Variants in DIP2C observed in about 807,000 individuals in gnomAD.
DIP2C encodes the protein DIP2 acetate--CoA ligase C (putative).
DIP2C carries 33 observed loss-of-function variants against 192.4 expected under a neutral mutation model. The observed-to-expected ratio is 0.17, with a 90% confidence interval of 0.13 to 0.23. The LOEUF (loss-of-function observed/expected upper bound fraction) is 0.23, where lower values mean the gene tolerates loss of function less well. Ranked by LOEUF, DIP2C falls within the 10% of genes least tolerant of loss-of-function variation. The pLI, the probability that DIP2C is intolerant of heterozygous loss-of-function variation, is 1.00. For synonymous variants in DIP2C, 979 were observed against 864.1 expected (o/e 1.13, Z -2.33); for missense variants, 1,537 against 2,110.1 (o/e 0.73, Z 5.32).
At chr10:437,183 C>T (rs993356632) in intron 4 of DIP2C, among the ~76,000 whole-genome samples, 1 of 150,432 alleles carries the variant, frequency 6.6e-6, no homozygotes, top group Non-Finnish European at 1.5e-5. Flanking sequence ...ATGCTCCACC[C>T]ACACCTGAGC....
At chr10:414,293 T>C (rs1004636117) in intron 7 of DIP2C, among the ~76,000 whole-genome samples, 183 bp from the exon 8 acceptor site, 17 of 152,066 alleles carry the variant, frequency 1.1e-4, no homozygotes, top group South Asian at 2.1e-4. Flanking sequence ...GGTAAAAAAT[T>C]AGTTCTTGTA....
chr10:613,889 C>G (rs188254577), intron 1 of DIP2C, among the ~76,000 whole-genome samples: 2 of 152,232 alleles, frequency 1.3e-5, no homozygotes, highest in Admixed American at 6.5e-5. Flanking sequence ...CTGATGGCAT[C>G]ACTCCCCACA....
In DIP2C at chr10:275,681, G is replaced by A. The variant is rs919598444; in HGVS notation, c.*1644C>T. Reference sequence around the variant, plus strand: ...GAGAGCCACTGCGGGGTCACACTGGGGCAGTTACAGAACACATCTTTCTCG... The same window carrying A: ...GAGAGCCACTGCGGGGTCACACTGGAGCAGTTACAGAACACATCTTTCTCG... On this transcript the variant is annotated 3_prime_UTR_variant, in exon 37 of 37. Coordinates refer to ENST00000280886, the MANE Select transcript of DIP2C (RefSeq NM_014974.3). 6.6e-6 allele frequency: 1 copy of A among 151,848 alleles called. No individual in the cohort carries two copies. The highest frequency in any genetic ancestry group is 1.5e-5 in the Non-Finnish European group (1 of 67,984). 9.4% of individuals were successfully genotyped at this position (151,848 alleles called of 1,614,324 possible).
At chr10:404,979 C>CA (rs1964699101) in intron 9 of DIP2C, among the ~76,000 whole-genome samples, 1 of 152,180 alleles carries the variant, frequency 6.6e-6, no homozygotes, top group African/African-American at 2.4e-5. Flanking sequence ...TCCACATTAC[C>CA]ACTGCTGTAC....
rs1852140074 is a variant in DIP2C, at chr10:602,333, G to A, written c.85+87161C>T. 2.6e-5 allele frequency among the ~76,000 whole-genome samples: 4 copies of A among 152,346 alleles called. No individual in the cohort carries two copies. In the South Asian group the frequency reaches 8.3e-4, roughly 32 times the overall value. On this transcript the variant is annotated intron_variant, in intron 1 of 36. Coordinates refer to ENST00000280886, the MANE Select transcript of DIP2C (RefSeq NM_014974.3). ...TGCAGCAAATGCAGCTGAGAAGGCT[G>A]TGGCTCTGTGGCAGTAATGATACCA...
intron 10 of DIP2C, among the ~76,000 whole-genome samples, chr10:392,839 C>G (rs1963601867): frequency 1.3e-5 from 2 of 151,506 alleles, no homozygotes; most frequent in Non-Finnish European, 2.9e-5. Context: ...CACGCCCACG[C>G]ACACACACGT....
chr10:664,296 A>G (rs952644170), intron 1 of DIP2C: 2 of 152,216 alleles, frequency 1.3e-5, no homozygotes, highest in African/African-American at 4.8e-5. Flanking sequence ...TGAACCTAAC[A>G]ATTCTCTTTT....
At chr10:540,024 T>C (rs1847894651) in intron 1 of DIP2C, among the ~76,000 whole-genome samples, 1 of 152,174 alleles carries the variant, frequency 6.6e-6, no homozygotes, top group Non-Finnish European at 1.5e-5. Flanking sequence ...TTTCACATGG[T>C]TTCTAGAAAC....
intron 1 of DIP2C, among the ~76,000 whole-genome samples, chr10:515,480 T>C (rs1256063017): frequency 2.0e-5 from 3 of 152,176 alleles, no homozygotes; most frequent in Non-Finnish European, 4.4e-5. Flanking sequence ...CCCAGCACTT[T>C]GGGAGGCCAA....
rs375629640 is a variant in DIP2C at position 339,968 on chromosome 10, G to T, written c.3584+1231C>A. On this transcript the variant is annotated intron_variant, in intron 29 of 36. Coordinates refer to ENST00000280886, the MANE Select transcript of DIP2C (RefSeq NM_014974.3). ...GGGCGAGGCGGGCAGATCACTTGAG[G>T]TCAGGAGTTCAAGACCAGCCTGGCC... Among the ~76,000 whole-genome samples the T allele has an allele frequency of 4.0e-4, 61 of 152,308 alleles. 1 individual carries two copies. The South Asian group carries it at 0.012, about 31-fold the overall frequency.
At position 484,743 on chromosome 10, in the gene DIP2C, C is replaced by A. The variant is rs1843874784; in HGVS notation, c.157+1716G>T. Reference sequence around the variant, plus strand: ...CGGGTGGCCCTTTTCTAATGTGTACCCTGCTGTGGGGCTGGCTCTCAGCAA... The same window carrying A: ...CGGGTGGCCCTTTTCTAATGTGTACACTGCTGTGGGGCTGGCTCTCAGCAA... On this transcript the variant is annotated intron_variant, in intron 2 of 36. Transcript: ENST00000280886. 3.1e-6 allele frequency: 5 copies of A among 1,600,320 alleles called. No homozygotes were observed. The South Asian group carries it at 3.3e-5, about 11-fold the overall frequency.
In DIP2C at chr10:417,898, T is replaced by G. The variant is rs71494909; in HGVS notation, c.739+1167A>C. On this transcript the variant is annotated intron_variant, in intron 6 of 36. Coordinates refer to ENST00000280886, the MANE Select transcript of DIP2C (RefSeq NM_014974.3). Reference sequence around the variant, plus strand: ...CCTGTCCACCTGCACCTGTCAGGGCTCGGATAGGCCTCCCTGTCCACCTGT... The same window carrying G: ...CCTGTCCACCTGCACCTGTCAGGGCGCGGATAGGCCTCCCTGTCCACCTGT... Among the ~76,000 whole-genome samples, 104 of 70,324 alleles carry G rather than the reference T, an allele frequency of 1.5e-3. 6 individuals are homozygous for G. The highest frequency in any genetic ancestry group is 8.9e-3 in the Middle Eastern group (1 of 112). 46.1% of individuals were successfully genotyped at this position (70,324 alleles called of 152,430 possible). A position where few individuals can be genotyped will look rare whatever the true frequency, so the allele number is the denominator to read the frequency against.
chr10:306,966 T>C (rs1427017300), intron 32 of DIP2C, among the ~76,000 whole-genome samples: 2 of 152,202 alleles, frequency 1.3e-5, no homozygotes, highest in African/African-American at 2.4e-5. Flanking sequence ...AGATCCGTCA[T>C]GATAGATGCA....
At chr10:634,662 A>G (rs929099043) in intron 1 of DIP2C, among the ~76,000 whole-genome samples, 1 of 152,088 alleles carries the variant, frequency 6.6e-6, no homozygotes, top group African/African-American at 2.4e-5. Flanking sequence ...GAGGCAGGAG[A>G]ATTGTTTGAA....
chr10:396,266 T>C (rs1177136829), intron 10 of DIP2C, among the ~76,000 whole-genome samples: 1 of 152,242 alleles, frequency 6.6e-6, no homozygotes, highest in East Asian at 1.9e-4. Flanking sequence ...CCTTGGTATT[T>C]GGAGCTATGC....
intron 1 of DIP2C, among the ~76,000 whole-genome samples, chr10:598,060 A>AC (rs1393889103): frequency 1.1e-4 from 16 of 152,206 alleles, no homozygotes; most frequent in African/African-American, 3.9e-4. Flanking sequence ...CCACCGCTGG[A>AC]CCTGCAGAGT....
Position 329,542 on chromosome 10 carries a change from G to T in DIP2C, c.3644C>A (p.Ala1215Asp). ...CTGACTCACGGCAAGAAGCCACAAGGCGGGGTTGGTTTCCAGCTCAGAGGG... is the reference window on the plus strand; with the variant it reads ...CTGACTCACGGCAAGAAGCCACAAGTCGGGGTTGGTTTCCAGCTCAGAGGG... ...IPPSELETNP[A>D]LWLLAVSQYK... Residue 1215 changes from alanine (A) to aspartate (D), a missense_variant, in exon 30 of 37, where the codon GCC becomes GAC. This residue lies in a region of DIP2C where 341 missense variants were observed against 551.7 expected (regional missense o/e 0.62). Transcript: ENST00000280886. 1 of 1,614,204 alleles carries T rather than the reference G, an allele frequency of 6.2e-7. No homozygotes were observed. The highest frequency in any genetic ancestry group is 8.5e-7 in the Non-Finnish European group (1 of 1,180,038).
At chr10:385,892 C>A (rs1248085809) in intron 14 of DIP2C, among the ~76,000 whole-genome samples, 1 of 152,158 alleles carries the variant, frequency 6.6e-6, no homozygotes, top group Non-Finnish European at 1.5e-5. Flanking sequence ...CTCCCCAGAG[C>A]TCTGCCGACT....
rs11251867 is a variant in DIP2C at position 349,046 on chromosome 10, G to A, written c.3110-284C>T. Among the ~76,000 whole-genome samples, 474 of 152,314 alleles carry A rather than the reference G, an allele frequency of 3.1e-3. 1 individual carries two copies. The highest frequency in any genetic ancestry group is 5.2e-3 in the Admixed American group (80 of 15,304). On this transcript the variant is annotated intron_variant, in intron 25 of 36. Coordinates refer to ENST00000280886, the MANE Select transcript of DIP2C (RefSeq NM_014974.3). ...AACTGTGAATTTAGTCAAGATTTAG[G>A]TACTATTAAGTGAATTACCTGAGGT...
Sources: allele counts gnomAD v4.1 joint callset (sites outside exome capture counted in the v4.1 genomes callset), GRCh38; gene constraint gnomAD v4.1.1; regional missense constraint gnomAD v4.1.1; transcripts MANE v1.5; gene names NCBI Gene and HGNC (gene_info 2026-07-23, HGNC 2026-07-21).